The following RTN3 variants were observed in gnomAD, a reference collection of about 807,000 sequenced individuals.
RTN3 encodes reticulon 3, also known as reticulon-3.
In RTN3, 49 loss-of-function variants were observed where a neutral mutation model predicts 77.8. The observed-to-expected ratio is 0.63, with a 90% CI of 0.50 to 0.80. The LOEUF (loss-of-function observed/expected upper bound fraction) is 0.80. Ranked by LOEUF, RTN3 falls within the 30% of genes least tolerant of loss-of-function variation. The pLI is 0.00. For synonymous variants in RTN3, 464 were observed against 446.9 expected (o/e 1.04, Z -0.48); for missense variants, 1,236 against 1,211.9 (o/e 1.02, Z -0.29).
At chr11:63,745,788 A>G (rs1179172706) in intron 3 of RTN3, among the ~76,000 whole-genome samples, 3 of 152,166 alleles carry the variant, frequency 2.0e-5, no homozygotes, top group Non-Finnish European at 4.4e-5. Flanking sequence ...ACACGCATGA[A>G]GACAGGGTGA....
intron 2 of RTN3, among the ~76,000 whole-genome samples, chr11:63,705,307 G>A (rs1461685372): frequency 6.6e-6 from 1 of 152,142 alleles, no homozygotes; most frequent in African/African-American, 2.4e-5. Context: ...GGGCAACATG[G>A]TGAAACCCTG....
At chr11:63,718,524 A>G (rs1277579776) in intron 2 of RTN3, among the ~76,000 whole-genome samples, 178 bp from the exon 3 acceptor site, 1 of 152,112 alleles carries the variant, frequency 6.6e-6, no homozygotes, top group African/African-American at 2.4e-5. Flanking sequence ...AGTTTTATGC[A>G]TGTCCTGTAG....
intron 3 of RTN3, among the ~76,000 whole-genome samples, chr11:63,721,894 T>C (rs2011841111): frequency 6.6e-6 from 1 of 152,192 alleles, no homozygotes; most frequent in Non-Finnish European, 1.5e-5. Context: ...ACCAGTATTG[T>C]AGTACTATTT....
chr11:63,750,888 C>A (rs949124948), intron 4 of RTN3, among the ~76,000 whole-genome samples: 1 of 151,986 alleles, frequency 6.6e-6, no homozygotes, highest in African/African-American at 2.4e-5. Context: ...CCCACCATCA[C>A]GCCCGGCTAA....
intron 2 of RTN3, among the ~76,000 whole-genome samples, chr11:63,710,335 A>C (rs1378308048): frequency 6.6e-6 from 1 of 151,784 alleles, no homozygotes; most frequent in Non-Finnish European, 1.5e-5. Flanking sequence ...CCAGTCTTAG[A>C]CATTGTAGTT....
chr11:63,755,117 CT>C (rs1311709702), intron 7 of RTN3, among the ~76,000 whole-genome samples: 1 of 151,182 alleles, frequency 6.6e-6, no homozygotes, highest in Non-Finnish European at 1.5e-5. Context: ...GACTTTTTGG[CT>C]TTTTGGTATT....
At chr11:63,726,747 C>T (rs2012296626) in intron 3 of RTN3, among the ~76,000 whole-genome samples, 1 of 151,780 alleles carries the variant, frequency 6.6e-6, no homozygotes, top group Non-Finnish European at 1.5e-5. Flanking sequence ...TGTAATCCCA[C>T]CTACTCAGGT....
chr11:63,708,140 A>T (rs1942586519), intron 2 of RTN3, among the ~76,000 whole-genome samples: 1 of 152,112 alleles, frequency 6.6e-6, no homozygotes, highest in Admixed American at 6.6e-5. Flanking sequence ...CTGAATGGAG[A>T]TGAGGGCTCT....
chr11:63,714,042 G>A (rs777311617), intron 2 of RTN3: 1 of 518,558 alleles, frequency 1.9e-6, no homozygotes, highest in South Asian at 1.4e-5. Flanking sequence ...GCTTATCGGA[G>A]CTGTTCTAAA....
chr11:63,755,974 T>C, intron 7 of RTN3, 138 bp from the exon 8 acceptor site: 1 of 633,990 alleles, frequency 1.6e-6, no homozygotes. Context: ...AAAAAAACTT[T>C]TAAAAACTGG....
intron 1 of RTN3, among the ~76,000 whole-genome samples, chr11:63,702,613 C>T (rs1246361304): frequency 4.6e-5 from 7 of 151,324 alleles, no homozygotes; most frequent in African/African-American, 1.7e-4. Context: ...TGCGCCCGGC[C>T]GTCCCTTTGT....
At chr11:63,684,188 G>A (rs1484850283) in intron 1 of RTN3, among the ~76,000 whole-genome samples, 3 of 128,244 alleles carry the variant, frequency 2.3e-5, no homozygotes, top group African/African-American at 6.3e-5. Flanking sequence ...TCGCTTTGTC[G>A]CCCAGGCTGG....
chr11:63,707,218 G>GA (rs1942538295), intron 2 of RTN3, among the ~76,000 whole-genome samples: 1 of 151,966 alleles, frequency 6.6e-6, no homozygotes, highest in South Asian at 2.1e-4. Flanking sequence ...TTTTCATATA[G>GA]AAAAGGGATA....
rs151023807 is a variant in RTN3 at position 63,691,413 on chromosome 11, G to A, written c.142+9635G>A. On this transcript the variant is annotated intron_variant, in intron 1 of 8. Coordinates refer to ENST00000377819, the MANE Select transcript of RTN3 (RefSeq NM_001265589.2). Reference sequence around the variant, plus strand: ...TGGGATTACAGGTGTGAGCTACTGCGTCCGACCTAATTATTTTTATTTTGA... The same window carrying A: ...TGGGATTACAGGTGTGAGCTACTGCATCCGACCTAATTATTTTTATTTTGA... 9.7e-4 allele frequency among the ~76,000 whole-genome samples: 148 copies of A among 152,028 alleles called. 1 individual carries two copies. In the East Asian group the frequency reaches 0.014, roughly 14 times the overall value.
chr11:63,735,287 G>A (rs569874321), intron 3 of RTN3, among the ~76,000 whole-genome samples: 6 of 152,068 alleles, frequency 3.9e-5, no homozygotes, highest in Non-Finnish European at 8.8e-5. Context: ...CACAATGCCC[G>A]ACCTAGAAAA....
chr11:63,738,841 C>T (rs555565911), intron 3 of RTN3, among the ~76,000 whole-genome samples: 1 of 152,088 alleles, frequency 6.6e-6, no homozygotes, highest in South Asian at 2.1e-4. Flanking sequence ...ATAAAATTAA[C>T]GGGTGAGGAA....
At position 63,681,766 on chromosome 11, in the gene RTN3, T is replaced by C. The variant is rs766474871; in HGVS notation, c.130T>C (p.Ser44Pro). ...CPALGTKSCS[S>P]SCADSFVSSS... ...CGCCCTGGGGACGAAGAGCTGCAGC[T>C]CCTCCTGTGCGGGTAAGGCGCGCGG... The change falls in exon 1 of 9, where the codon TCC becomes CCC. Residue 44 changes from serine to proline, a missense_variant. This residue lies in a region of RTN3 where 1,056 missense variants were observed against 990.4 expected (regional missense o/e 1.07). Transcript: ENST00000377819. 5 of 1,594,070 alleles carry C rather than the reference T, an allele frequency of 3.1e-6. No homozygotes were observed. The highest frequency in any genetic ancestry group is 3.4e-6 in the Non-Finnish European group (4 of 1,173,244).
In RTN3 at chr11:63,759,447, T is replaced by G. The variant is rs1244356625; in HGVS notation, c.*1246T>G. 1 of 152,636 alleles carries G rather than the reference T, an allele frequency of 6.6e-6. No individual in the cohort carries two copies. Among genetic ancestry groups the G allele is most frequent in the Non-Finnish European group, 1.5e-5 (1 of 68,032 alleles). 9.5% of individuals were successfully genotyped at this position (152,636 alleles called of 1,614,324 possible). On this transcript the variant is annotated 3_prime_UTR_variant, in exon 9 of 9. Transcript: ENST00000377819. ...AGTGGAAGGAAATTGTCTACGTGTC[T>G]TGGAAAAATTAGTTAGGAATTTGGA...
chr11:63,720,919 C>T lies in RTN3; in HGVS notation c.2417C>T (p.Ser806Phe). 1.2e-6 allele frequency: 2 copies of T among 1,614,040 alleles called. No individual in the cohort carries two copies. The highest frequency in any genetic ancestry group is 1.7e-6 in the Non-Finnish European group (2 of 1,179,994). Residue 806 changes from serine to phenylalanine, a missense_variant, in exon 3 of 9, where the codon TCC (serine) becomes TTC (phenylalanine). Ser to Phe is a radical substitution (Grantham distance 155, BLOSUM62 -2). This residue lies in a region of RTN3 where 1,056 missense variants were observed against 990.4 expected (regional missense o/e 1.07). Transcript: ENST00000377819. The stretch of plus-strand genomic sequence containing the variant: ...AAGAATGGATCTGATCTTGGGATTT[C>T]CCAGAAGCCCATCACTATCAGAGAA... ...NVKNGSDLGI[S>F]QKPITIRETT...
Sources: allele counts gnomAD v4.1 joint callset (sites outside exome capture counted in the v4.1 genomes callset), GRCh38; gene constraint gnomAD v4.1.1; regional missense constraint gnomAD v4.1.1; transcripts MANE v1.5; gene names NCBI Gene and HGNC (gene_info 2026-07-23, HGNC 2026-07-21).